The following CDKAL1 variants were observed in gnomAD, a reference collection of about 807,000 sequenced individuals.
CDKAL1 encodes threonylcarbamoyladenosine tRNA methylthiotransferase.
In CDKAL1, 32 loss-of-function variants were observed where a neutral mutation model predicts 68.2. The observed-to-expected ratio is 0.47, with a 90% CI of 0.35 to 0.63. The LOEUF (loss-of-function observed/expected upper bound fraction) is 0.63, where lower values mean the gene tolerates loss of function less well. Among genes scored for constraint, CDKAL1 ranks in the 30% least tolerant of loss-of-function variants. The pLI, the probability that CDKAL1 is intolerant of heterozygous loss-of-function variation, is 0.00. For synonymous variants in CDKAL1, 234 were observed against 244.3 expected (o/e 0.96, Z 0.39); for missense variants, 606 against 696.7 (o/e 0.87, Z 1.47).
chr6:20,730,858 A>AG (rs1772890479), intron 5 of CDKAL1, among the ~76,000 whole-genome samples: 1 of 151,902 alleles, frequency 6.6e-6, no homozygotes, highest in Admixed American at 6.6e-5. Context: ...AAAAAAAAAA[A>AG]AAAGAGAGAA....
At position 20,786,494 on chromosome 6, in the gene CDKAL1, C is replaced by CTTTT. The variant is rs1197574844; in HGVS notation, c.638+5247_638+5250dup. Among the ~76,000 whole-genome samples, 66 of 80,770 alleles carry CTTTT rather than the reference C, an allele frequency of 8.2e-4. 1 individual carries two copies. Among genetic ancestry groups the CTTTT allele is most frequent in the East Asian group, 1.3e-3 (3 of 2,270 alleles). The allele number at this position is 80,770 out of a possible 152,430, so 53.0% of individuals were successfully genotyped here. A position where few individuals can be genotyped will look rare whatever the true frequency, so the allele number is the denominator to read the frequency against. Reference sequence around the variant, plus strand: ...GTGTGACTCCCTTATTTTTTCTTATCTTTTTTTTTTTTTTTTTTTTTGAGA... The same window carrying CTTTT: ...GTGTGACTCCCTTATTTTTTCTTATCTTTTTTTTTTTTTTTTTTTTTTTTTGAGA... On this transcript the variant is annotated intron_variant, in intron 8 of 15. Transcript: ENST00000274695.
In CDKAL1 at chr6:20,833,025, T is replaced by TA. The variant is rs577065497; in HGVS notation, c.639-13049dup. 2.3e-3 allele frequency among the ~76,000 whole-genome samples: 349 copies of TA among 152,302 alleles called. 2 individuals carry two copies. The highest frequency in any genetic ancestry group is 6.0e-3 in the Admixed American group (92 of 15,302). On this transcript the variant is annotated intron_variant, in intron 8 of 15. Coordinates refer to ENST00000274695, the MANE Select transcript of CDKAL1 (RefSeq NM_017774.3). ...CAGAATTCCCAGCACATTTCATTGA[T>TA]ACGAATTTTATCTCAGGCACATTCC...
At chr6:20,631,608 G>A (rs1297619015) in intron 4 of CDKAL1, among the ~76,000 whole-genome samples, 1 of 152,072 alleles carries the variant, frequency 6.6e-6, no homozygotes, top group Non-Finnish European at 1.5e-5. Context: ...TCTAATCTCT[G>A]AACTCTTAAA....
At chr6:20,609,276 C>CCTTCTTCTCCTTCTCCTTCTT in intron 4 of CDKAL1, among the ~76,000 whole-genome samples, 1 of 131,758 alleles carries the variant, frequency 7.6e-6, no homozygotes, top group East Asian at 2.2e-4. Context: ...TCCTCCTTCT[C>CCTTCTTCTCCTTCTCCTTCTT]CTCCTTCTCC....
intron 10 of CDKAL1, among the ~76,000 whole-genome samples, chr6:20,968,200 C>T (rs1267610082): frequency 6.6e-6 from 1 of 150,516 alleles, no homozygotes; most frequent in African/African-American, 2.4e-5. Flanking sequence ...ACTGTGTCAC[C>T]CAGGCTAGAG....
intron 5 of CDKAL1, among the ~76,000 whole-genome samples, chr6:20,735,602 A>G (rs951887328): frequency 2.0e-5 from 3 of 152,354 alleles, no homozygotes; most frequent in African/African-American, 2.4e-5. Flanking sequence ...AACCATATCA[A>G]TGGTATAGTG....
chr6:20,587,317 C>T (rs368951283), intron 4 of CDKAL1, among the ~76,000 whole-genome samples: 7 of 151,838 alleles, frequency 4.6e-5, no homozygotes, highest in South Asian at 2.1e-4. Context: ...GATGAGAGTT[C>T]GAAGCTAACA....
chr6:20,670,174 G>T (rs1581351740), intron 5 of CDKAL1, among the ~76,000 whole-genome samples: 1 of 152,216 alleles, frequency 6.6e-6, no homozygotes, highest in Non-Finnish European at 1.5e-5. Flanking sequence ...CCATCTCTGT[G>T]AAAAAGAAAT....
At chr6:21,114,031 G>A (rs952954472) in intron 13 of CDKAL1, among the ~76,000 whole-genome samples, 1 of 151,812 alleles carries the variant, frequency 6.6e-6, no homozygotes, top group Non-Finnish European at 1.5e-5. Flanking sequence ...GGCAGATCAC[G>A]AGGTCCAGAG....
chr6:21,027,210 T>C (rs1293408105), intron 11 of CDKAL1, among the ~76,000 whole-genome samples: 2 of 152,148 alleles, frequency 1.3e-5, no homozygotes, highest in Admixed American at 1.3e-4. Context: ...CATCAGTCTA[T>C]TTTCCTTTTC....
chr6:20,744,653 G>A (rs142361474), intron 6 of CDKAL1, among the ~76,000 whole-genome samples: 2 of 152,158 alleles, frequency 1.3e-5, no homozygotes, highest in Admixed American at 1.3e-4. Flanking sequence ...TCTGCTGGTT[G>A]TGAGTTGTGT....
chr6:20,924,850 T>C (rs1414796546), intron 9 of CDKAL1, among the ~76,000 whole-genome samples: 1 of 152,242 alleles, frequency 6.6e-6, no homozygotes, highest in Admixed American at 6.5e-5. Flanking sequence ...ATTTTCAATA[T>C]AGATGAAACA....
intron 9 of CDKAL1, among the ~76,000 whole-genome samples, chr6:20,935,230 A>AT (rs1280058986): frequency 6.6e-6 from 1 of 151,912 alleles, no homozygotes; most frequent in East Asian, 1.9e-4. Flanking sequence ...GTTTCACATC[A>AT]TTTTTTATTG....
intron 11 of CDKAL1, among the ~76,000 whole-genome samples, chr6:21,003,365 T>TACACACACACACACAC (rs1409256066): frequency 9.6e-5 from 6 of 62,386 alleles, no homozygotes; most frequent in African/African-American, 5.2e-4. Context: ...TATATATATA[T>TACACACACACACACAC]ATATATACAC....
intron 4 of CDKAL1, among the ~76,000 whole-genome samples, chr6:20,631,302 T>C (rs976532128): frequency 6.6e-6 from 1 of 152,196 alleles, no homozygotes; most frequent in Non-Finnish European, 1.5e-5. Flanking sequence ...AGTTCTTTCA[T>C]GCATCTACAA....
intron 5 of CDKAL1, among the ~76,000 whole-genome samples, chr6:20,668,527 G>T (rs1225441411): frequency 6.6e-6 from 1 of 152,170 alleles, no homozygotes; most frequent in Admixed American, 6.6e-5. Flanking sequence ...AACCTTAGTT[G>T]TTGACTATGT....
chr6:20,904,695 A>G (rs1473219188), intron 9 of CDKAL1, among the ~76,000 whole-genome samples: 1 of 152,160 alleles, frequency 6.6e-6, no homozygotes, highest in Non-Finnish European at 1.5e-5. Flanking sequence ...AGGCTGAGGC[A>G]GGAGGATTGC....
At chr6:20,804,854 C>T (rs773890854) in intron 8 of CDKAL1, among the ~76,000 whole-genome samples, 2 of 152,084 alleles carry the variant, frequency 1.3e-5, no homozygotes, top group Non-Finnish European at 2.9e-5. Context: ...AGTACAAACG[C>T]CTGCTTTCCT....
intron 5 of CDKAL1, among the ~76,000 whole-genome samples, chr6:20,683,930 C>T (rs1770498789): frequency 6.6e-6 from 1 of 152,110 alleles, no homozygotes; most frequent in Admixed American, 6.5e-5. Context: ...TTTATATTTC[C>T]CCAGATATCA....
Sources: allele counts gnomAD v4.1 joint callset (sites outside exome capture counted in the v4.1 genomes callset), GRCh38; gene constraint gnomAD v4.1.1; transcripts MANE v1.5; gene names NCBI Gene and HGNC (gene_info 2026-07-23, HGNC 2026-07-21).